Variants in KLHL1 observed in about 807,000 individuals in gnomAD.
KLHL1 encodes kelch-like protein 1.
A neutral mutation model predicts 77.7 loss-of-function variants in KLHL1; 47 were observed. That is an observed-to-expected ratio of 0.60 (90% CI 0.48 to 0.77). KLHL1 has a LOEUF of 0.77. Ranked by LOEUF, KLHL1 falls within the 30% of genes least tolerant of loss-of-function variation. KLHL1 has a pLI of 0.00. For missense variants in KLHL1, 925 were observed against 910.8 expected (o/e 1.02, Z -0.20); for synonymous variants, 360 against 325.2 (o/e 1.11, Z -1.15).
rs199618546 is a variant in KLHL1, at chr13:69,902,954, A to AT, written c.1015-20460dup. On this transcript the variant is annotated intron_variant, in intron 4 of 10. Coordinates refer to ENST00000377844, the MANE Select transcript of KLHL1 (RefSeq NM_020866.3). ...CAATACCATAGCTTTTCCATTATATATATAATGAAAAAGTATGTATGATTG... is the reference window on the plus strand; with the variant it reads ...CAATACCATAGCTTTTCCATTATATATTATAATGAAAAAGTATGTATGATTG... Among the ~76,000 whole-genome samples the AT allele has an allele frequency of 1.8e-3, 268 of 152,336 alleles. 4 individuals carry two copies. The East Asian group carries it at 0.026, about 15-fold the overall frequency.
chr13:69,976,376 G>A (rs569051959), intron 1 of KLHL1, among the ~76,000 whole-genome samples: 2 of 152,020 alleles, frequency 1.3e-5, no homozygotes, highest in Non-Finnish European at 2.9e-5. Flanking sequence ...TATTAACTCA[G>A]TACTTATAAT....
intron 7 of KLHL1, among the ~76,000 whole-genome samples, chr13:69,740,946 C>T (rs899544103): frequency 6.6e-5 from 10 of 152,048 alleles, no homozygotes; most frequent in African/African-American, 9.7e-5. Flanking sequence ...AAAGGTAAGA[C>T]GTCTTGGGCC....
At chr13:69,716,145 C>T (rs912142319) in intron 9 of KLHL1, among the ~76,000 whole-genome samples, 1 of 152,060 alleles carries the variant, frequency 6.6e-6, no homozygotes, top group Non-Finnish European at 1.5e-5. Context: ...CCCATCCTTC[C>T]GCTCTTACCA....
At chr13:69,854,092 A>G (rs542096211) in intron 5 of KLHL1, among the ~76,000 whole-genome samples, 5 of 152,078 alleles carry the variant, frequency 3.3e-5, no homozygotes, top group East Asian at 1.9e-4. Flanking sequence ...TGTAATCCAT[A>G]AAGTCTTTGA....
At chr13:69,772,894 G>A (rs540116089) in intron 7 of KLHL1, among the ~76,000 whole-genome samples, 2 of 152,168 alleles carry the variant, frequency 1.3e-5, no homozygotes, top group African/African-American at 4.8e-5. Context: ...GCACTAGAGT[G>A]TTTGATTCAA....
chr13:69,990,387 A>G (rs1472588794), intron 1 of KLHL1, among the ~76,000 whole-genome samples: 1 of 152,076 alleles, frequency 6.6e-6, no homozygotes, highest in African/African-American at 2.4e-5. Flanking sequence ...AGCTGGATAT[A>G]AAAGCAAGAG....
intron 10 of KLHL1, among the ~76,000 whole-genome samples, chr13:69,704,414 T>C (rs1306546049): frequency 4.0e-5 from 6 of 151,672 alleles, no homozygotes; most frequent in Non-Finnish European, 7.4e-5. Flanking sequence ...CACATCTATC[T>C]CTCAAAACTT....
chr13:69,978,486 A>G (rs979062427), intron 1 of KLHL1, among the ~76,000 whole-genome samples: 20 of 48,374 alleles, frequency 4.1e-4, no homozygotes, highest in Non-Finnish European at 5.4e-4. Context: ...TCTGGTCAGA[A>G]TATTTTTTTT....
intron 5 of KLHL1, 38 bp downstream of exon 5, chr13:69,882,245 T>C (rs547205966): frequency 1.5e-6 from 2 of 1,373,618 alleles, no homozygotes; most frequent in South Asian, 1.2e-5. Flanking sequence ...GGTTTTTCAG[T>C]ACATTGAATC....
chr13:69,858,500 A>C (rs1880010496), intron 5 of KLHL1, among the ~76,000 whole-genome samples: 1 of 152,110 alleles, frequency 6.6e-6, no homozygotes, highest in Non-Finnish European at 1.5e-5. Context: ...TATGAGTTAA[A>C]GTGATTAATT....
chr13:69,960,512 T>C (rs1292483795), intron 3 of KLHL1, among the ~76,000 whole-genome samples: 1 of 152,086 alleles, frequency 6.6e-6, no homozygotes, highest in East Asian at 1.9e-4. Flanking sequence ...TAAATAGTTA[T>C]TAAAAAGTGT....
intron 7 of KLHL1, among the ~76,000 whole-genome samples, chr13:69,775,655 G>T (rs1382246012): frequency 1.3e-5 from 2 of 151,860 alleles, no homozygotes; most frequent in South Asian, 4.1e-4. Context: ...TATTTTTTGA[G>T]AAATTATGTG....
chr13:70,017,597 AG>A (rs1885689579), intron 1 of KLHL1, among the ~76,000 whole-genome samples: 1 of 152,192 alleles, frequency 6.6e-6, no homozygotes, highest in Admixed American at 6.5e-5. Flanking sequence ...TGGAAGCAAG[AG>A]CTGAGTGCAG....
At chr13:69,960,128 T>TC (rs1555285618) in intron 3 of KLHL1, among the ~76,000 whole-genome samples, 6 of 150,488 alleles carry the variant, frequency 4.0e-5, no homozygotes, top group African/African-American at 1.2e-4. Flanking sequence ...TTTTTTTTTT[T>TC]CAGGAAGCTT....
intron 7 of KLHL1, among the ~76,000 whole-genome samples, chr13:69,788,052 C>A (rs1876653721): frequency 1.3e-5 from 2 of 152,328 alleles, no homozygotes; most frequent in South Asian, 4.1e-4. Context: ...AACACTTTTA[C>A]ACTGTTGGTG....
At chr13:70,074,051 T>C (rs961373283) in intron 1 of KLHL1, among the ~76,000 whole-genome samples, 1 of 151,986 alleles carries the variant, frequency 6.6e-6, no homozygotes, top group African/African-American at 2.4e-5. Flanking sequence ...GTTCTCAAAC[T>C]CCCGACCTCA....
At chr13:69,743,716 G>T (rs1347725020) in intron 7 of KLHL1, among the ~76,000 whole-genome samples, 1 of 151,626 alleles carries the variant, frequency 6.6e-6, no homozygotes, top group Non-Finnish European at 1.5e-5. Flanking sequence ...AACCTGGGAG[G>T]CAGAGGTTGC....
intron 1 of KLHL1, among the ~76,000 whole-genome samples, chr13:70,043,239 T>TA (rs139407571): frequency 0.063 from 9,447 of 150,048 alleles, 860 homozygotes; most frequent in African/African-American, 0.2. Flanking sequence ...GTTTAAATAC[T>TA]AAAAAAAAAT....
At chr13:70,081,628 A>G (rs1333224003) in intron 1 of KLHL1, among the ~76,000 whole-genome samples, 3 of 152,140 alleles carry the variant, frequency 2.0e-5, no homozygotes, top group African/African-American at 7.2e-5. Flanking sequence ...AAATGGAGAG[A>G]GACACTCTCT....
Sources: gnomAD v4.1 joint callset for allele counts (sites outside exome capture counted in the v4.1 genomes callset) on GRCh38, gnomAD v4.1.1 for gene constraint, MANE v1.5 for transcripts, NCBI Gene and HGNC (gene_info 2026-07-23, HGNC 2026-07-21) for gene names.